UBN2: variants seen among roughly 807,000 people sequenced by gnomAD.
UBN2 encodes the protein ubinuclein-2.
In UBN2, 35 loss-of-function variants were observed where a neutral mutation model predicts 120.2. The observed-to-expected ratio is 0.29, with a 90% confidence interval of 0.22 to 0.39. The LOEUF is 0.39. Ranked by LOEUF, UBN2 falls within the 10% of genes least tolerant of loss-of-function variation. The pLI, the probability that UBN2 is intolerant of heterozygous loss-of-function variation, is 1.00. For synonymous variants in UBN2, 661 were observed against 648.7 expected (o/e 1.02, Z -0.29); for missense variants, 1,693 against 1,663.2 (o/e 1.02, Z -0.31).
At position 139,231,455 on chromosome 7, in the gene UBN2, G is replaced by C. The variant is rs563731963; in HGVS notation, c.-30G>C. On this transcript the variant is annotated 5_prime_UTR_variant, in exon 1 of 18. Coordinates refer to ENST00000473989, the MANE Select transcript of UBN2 (RefSeq NM_173569.4). ...GCGCCGTAGAAGCGAGCGCCGGCTC[G>C]AGCAAAAGCGGAGGGCCAGAACAGT... 939 of 1,297,918 alleles carry C rather than the reference G, an allele frequency of 7.2e-4. 1 individual carries two copies. Among genetic ancestry groups the C allele is most frequent in the Non-Finnish European group, 8.6e-4 (878 of 1,016,902 alleles). 80.4% of individuals were successfully genotyped at this position (1,297,918 alleles called of 1,614,324 possible).
Position 139,282,000 on chromosome 7 carries a change from C to A in UBN2, c.2068-5C>A. ...TCTTAACAGCTTGCTTATGTAATAC[C>A]TTAGGAGGTGATGGTAAAGACCCTT... On this transcript the variant is annotated splice_region_variant and splice_polypyrimidine_tract_variant and intron_variant, in intron 13 of 17. Coordinates refer to ENST00000473989, the MANE Select transcript of UBN2 (RefSeq NM_173569.4). 6.2e-7 allele frequency: 1 copy of A among 1,612,996 alleles called. No individual in the cohort carries two copies. The highest frequency in any genetic ancestry group is 8.5e-7 in the Non-Finnish European group (1 of 1,179,282).
chr7:139,273,259 G>T (rs373376049), intron 9 of UBN2, 38 bp from the exon 10 acceptor site: 2 of 1,454,000 alleles, frequency 1.4e-6, no homozygotes, highest in Non-Finnish European at 9.5e-7. Flanking sequence ...GCAGTGTTGG[G>T]TTAAAAGTTT....
rs749975776 is a variant in UBN2 at position 139,293,967 on chromosome 7, A to G, written c.3980A>G (p.Gln1327Arg). 1.9e-6 allele frequency: 3 copies of G among 1,614,130 alleles called. No individual in the cohort carries two copies. Among genetic ancestry groups the G allele is most frequent in the South Asian group, 1.1e-5 (1 of 91,076 alleles). The change falls in exon 17 of 18, where the codon CAG (glutamine) becomes CGG (arginine). Residue 1327 changes from glutamine to arginine, a missense_variant. Gln to Arg is a conservative substitution (Grantham distance 43). Coordinates refer to ENST00000473989, the MANE Select transcript of UBN2 (RefSeq NM_173569.4). The part of the protein sequence containing the change: ...LSHSPLPAHL[Q>R]QAFHDGGQSK... ...CACTCACCTCTGCCTGCACACTTACAGCAAGCATTTCACGGTGAGAACGCC... is the reference window on the plus strand; with the variant it reads ...CACTCACCTCTGCCTGCACACTTACGGCAAGCATTTCACGGTGAGAACGCC...
At chr7:139,257,106 C>T (rs946795728) in intron 3 of UBN2, among the ~76,000 whole-genome samples, 2 of 152,184 alleles carry the variant, frequency 1.3e-5, no homozygotes, top group African/African-American at 4.8e-5. Context: ...TATCTTTCTA[C>T]AATCAGATAA....
intron 15 of UBN2, 59 bp downstream of exon 15, chr7:139,284,633 T>C: frequency 6.9e-7 from 1 of 1,448,632 alleles, no homozygotes; most frequent in Non-Finnish European, 9.3e-7. Flanking sequence ...GTCGTCTTTC[T>C]TGTGGGTAAC....
chr7:139,261,811 T>C (rs1684729358), intron 6 of UBN2, 70 bp downstream of exon 6: 2 of 1,482,946 alleles, frequency 1.3e-6, no homozygotes, highest in African/African-American at 2.8e-5. Flanking sequence ...TGTTCGTTTG[T>C]TTTTATTTTC....
At chr7:139,287,341 A>C (rs1041931011) in intron 15 of UBN2, among the ~76,000 whole-genome samples, 1 of 152,154 alleles carries the variant, frequency 6.6e-6, no homozygotes. Context: ...TATCAATTTT[A>C]TAAAAAATTG....
chr7:139,295,866 AGCTCTGATTGTGCCACC>A (rs937254395), intron 17 of UBN2, among the ~76,000 whole-genome samples: 11 of 152,168 alleles, frequency 7.2e-5, no homozygotes, highest in Admixed American at 2.6e-4. Flanking sequence ...GGCTGCAGTG[AGCTCTGATTGTGCCACC>A]GCACTCCAGT....
At chr7:139,235,767 T>C (rs145330091) in intron 1 of UBN2, among the ~76,000 whole-genome samples, 2 of 152,348 alleles carry the variant, frequency 1.3e-5, no homozygotes, top group East Asian at 3.9e-4. Context: ...ATTACAATAA[T>C]TTTAAAAATT....
rs770339052 is a variant in UBN2, at chr7:139,231,586, G to A, written c.102G>A (p.Glu34=). 2.9e-6 allele frequency: 4 copies of A among 1,392,118 alleles called. No homozygotes were observed. The African/African-American group carries it at 4.4e-5, about 15-fold the overall frequency. 86.2% of individuals were successfully genotyped at this position (1,392,118 alleles called of 1,614,324 possible). The change falls in exon 1 of 18, where the codon GAG becomes GAA. Residue 34 remains glutamate (E), a synonymous_variant. Transcript: ENST00000473989. ...AGCGTGAGCCCGAGTACCCCCGCGA[G>A]CCCCCCCGGCTGGAGCCGCAGCCGT... ...GPEREPEYPR[E]PPRLEPQPYR... is the part of the protein sequence containing the mutation.
chr7:139,290,790 T>C (rs898370994), intron 15 of UBN2, among the ~76,000 whole-genome samples: 1 of 152,214 alleles, frequency 6.6e-6, no homozygotes, highest in Non-Finnish European at 1.5e-5. Flanking sequence ...GGAAGAAGGC[T>C]GCTTGCGGAT....
downstream of UBN2, among the ~76,000 whole-genome samples, chr7:139,311,426 G>A (rs1798445625): frequency 1.3e-5 from 2 of 152,166 alleles, no homozygotes; most frequent in African/African-American, 2.4e-5. Context: ...TGAAGAACAG[G>A]TTGACAGCAG....
rs1379431138 is a variant in UBN2 at position 139,231,703 on chromosome 7, C to T, written c.219C>T (p.Pro73=). The stretch of plus-strand genomic sequence containing the variant: ...CCCCGTCGCGGGAGAAGCCGCTCCC[C>T]CAGCGCGAGGTCAGCCGCGCCGAGC... ...AQPPSREKPL[P]QREVSRAEPP... Residue 73 remains proline (P), a synonymous_variant, in exon 1 of 18, where the codon CCC becomes CCT. Transcript: ENST00000473989. 1.0e-5 allele frequency: 12 copies of T among 1,179,402 alleles called. No homozygotes were observed. The highest frequency in any genetic ancestry group is 8.1e-5 in the African/African-American group (5 of 61,710). The allele number at this position is 1,179,402 out of a possible 1,614,324, so 73.1% of individuals were successfully genotyped here. A position where few individuals can be genotyped will look rare whatever the true frequency, so the allele number is the denominator to read the frequency against.
chr7:139,251,861 C>A, intron 2 of UBN2, 95 bp from the exon 3 acceptor site: 2 of 1,183,988 alleles, frequency 1.7e-6, no homozygotes, highest in African/African-American at 1.5e-5. Flanking sequence ...GGGGGACTAT[C>A]TGCAAAAATT....
intron 9 of UBN2, among the ~76,000 whole-genome samples, chr7:139,272,651 C>T (rs1397096087): frequency 1.3e-5 from 2 of 152,104 alleles, no homozygotes; most frequent in East Asian, 3.9e-4. Flanking sequence ...CTCAGCCTCA[C>T]AAGTAGCTGG....
At position 139,241,566 on chromosome 7, in the gene UBN2, A is replaced by G. The variant is rs1796320492; in HGVS notation, c.561+4469A>G. 2.0e-5 allele frequency among the ~76,000 whole-genome samples: 3 copies of G among 152,240 alleles called. No homozygotes were observed. The South Asian group carries it at 6.2e-4, about 32-fold the overall frequency. On this transcript the variant is annotated intron_variant, in intron 2 of 17. Transcript: ENST00000473989. ...AAAAAGAAGGGTAAGGGTAGATTTG[A>G]TAGTAGAAAAGTAATTCTGAGCAGT...
chr7:139,263,466 G>A (rs961172176), intron 6 of UBN2, among the ~76,000 whole-genome samples: 1 of 152,062 alleles, frequency 6.6e-6, no homozygotes, highest in Non-Finnish European at 1.5e-5. Context: ...GTAAAGGCCA[G>A]CATTTTTAAA....
intron 1 of UBN2, 95 bp downstream of exon 1, chr7:139,232,047 G>A: frequency 1.6e-5 from 20 of 1,286,292 alleles, no homozygotes; most frequent in Admixed American, 4.5e-5. Flanking sequence ...CCCACCGAGC[G>A]CGTCCGGGTC....
the UBN2 span, among the ~76,000 whole-genome samples, chr7:139,323,359 C>T: frequency 6.6e-6 from 1 of 152,068 alleles, no homozygotes; most frequent in Admixed American, 6.6e-5. Flanking sequence ...TTACAAAAGA[C>T]TCAAGCATTT....
Sources: gnomAD v4.1 joint callset for allele counts (sites outside exome capture counted in the v4.1 genomes callset) on GRCh38, gnomAD v4.1.1 for gene constraint, MANE v1.5 for transcripts, NCBI Gene and HGNC (gene_info 2026-07-23, HGNC 2026-07-21) for gene names.